ARSB: variants seen among roughly 807,000 people sequenced by gnomAD.
ARSB encodes the protein N-acetylgalactosamine-4-sulfatase.
A neutral mutation model predicts 50.9 loss-of-function variants in ARSB; 41 were observed. The ratio of observed to expected loss-of-function variants is 0.81; its 90% CI spans 0.63 to 1.04. The LOEUF (loss-of-function observed/expected upper bound fraction) is 1.04. ARSB is among the 50% of genes least tolerant of loss of function. The pLI, the probability that ARSB is intolerant of heterozygous loss-of-function variation, is 0.00. For missense variants in ARSB, 672 were observed against 693.3 expected (o/e 0.97, Z 0.35); for synonymous variants, 269 against 284.8 (o/e 0.94, Z 0.56).
chr5:78,914,843 T>G (rs1749470528), intron 4 of ARSB, among the ~76,000 whole-genome samples: 1 of 152,170 alleles, frequency 6.6e-6, no homozygotes, highest in Non-Finnish European at 1.5e-5. Flanking sequence ...ATTTTTCTGT[T>G]TTCAGTAGAG....
chr5:78,778,063 A>G lies in ARSB; in HGVS notation c.*2334T>C, dbSNP rs991966401. ...TGCAGAACATCCCCCACTGTGCCTG[A>G]AAACCAAGGAACTAGAACTGGAGAC... On this transcript the variant is annotated 3_prime_UTR_variant, in exon 8 of 8. Transcript: ENST00000264914. 1.3e-5 allele frequency: 2 copies of G among 152,320 alleles called. No homozygotes were observed. Among genetic ancestry groups the G allele is most frequent in the African/African-American group, 4.8e-5 (2 of 41,568 alleles). The allele number at this position is 152,320 out of a possible 1,614,324, so 9.4% of individuals were successfully genotyped here.
At chr5:78,872,317 C>T (rs934585372) in intron 5 of ARSB, among the ~76,000 whole-genome samples, 1 of 151,374 alleles carries the variant, frequency 6.6e-6, no homozygotes, top group African/African-American at 2.4e-5. Context: ...CATTACTGGG[C>T]ATATACCCAA....
chr5:78,955,991 T>C (rs1241336204), intron 3 of ARSB, among the ~76,000 whole-genome samples: 1 of 152,212 alleles, frequency 6.6e-6, no homozygotes, highest in Non-Finnish European at 1.5e-5. Context: ...GTTCCTGAAA[T>C]TGTAAAACAT....
intron 4 of ARSB, among the ~76,000 whole-genome samples, chr5:78,937,431 T>C (rs1004226741): frequency 7.2e-6 from 1 of 139,158 alleles, no homozygotes; most frequent in Non-Finnish European, 1.5e-5. Context: ...ATATATCATA[T>C]ATATGATATA....
chr5:78,886,353 C>G (rs1488451433), intron 4 of ARSB, among the ~76,000 whole-genome samples: 1 of 152,174 alleles, frequency 6.6e-6, no homozygotes, highest in African/African-American at 2.4e-5. Context: ...GCAATAATAT[C>G]TCTTTCTTAA....
chr5:78,873,934 A>G (rs1209785898), intron 5 of ARSB, among the ~76,000 whole-genome samples: 2 of 152,256 alleles, frequency 1.3e-5, no homozygotes, highest in Non-Finnish European at 2.9e-5. Flanking sequence ...ATTTTAAATC[A>G]TAACTATAAT....
chr5:78,936,129 C>CTTTTT (rs56884992), intron 4 of ARSB, among the ~76,000 whole-genome samples: 1 of 88,950 alleles, frequency 1.1e-5, no homozygotes, highest in African/African-American at 4.8e-5. Context: ...CTCTCTCTCT[C>CTTTTT]TTTTTTTTTT....
At position 78,797,893 on chromosome 5, in the gene ARSB, C is replaced by A. The variant is rs577623710; in HGVS notation, c.1214-15919G>T. ...AGGATGGAATTCTGGAAAGAAACAC[C>A]ATTTGAAAGGCAAAGCATAGGGGAA... On this transcript the variant is annotated intron_variant, in intron 6 of 7. Transcript: ENST00000264914. 2.0e-5 allele frequency among the ~76,000 whole-genome samples: 3 copies of A among 152,216 alleles called. No homozygotes were observed. In the South Asian group the frequency reaches 6.2e-4, roughly 32 times the overall value.
intron 1 of ARSB, among the ~76,000 whole-genome samples, chr5:78,973,201 T>C (rs2112543789): frequency 6.6e-6 from 1 of 152,270 alleles, no homozygotes; most frequent in East Asian, 1.9e-4. Flanking sequence ...TATAAAACAA[T>C]TTCATTCTAA....
intron 4 of ARSB, among the ~76,000 whole-genome samples, chr5:78,886,562 G>A (rs1383356687): frequency 6.6e-6 from 1 of 152,062 alleles, no homozygotes; most frequent in Non-Finnish European, 1.5e-5. Context: ...GCAAAGACAG[G>A]GTAGAAGCTA....
intron 5 of ARSB, among the ~76,000 whole-genome samples, chr5:78,879,815 A>C (rs1466442075): frequency 1.3e-5 from 2 of 152,174 alleles, no homozygotes; most frequent in Admixed American, 1.3e-4. Flanking sequence ...AGAAGCACCA[A>C]CTTCATTAGG....
intron 5 of ARSB, among the ~76,000 whole-genome samples, chr5:78,872,962 A>C (rs1030830676): frequency 1.4e-4 from 22 of 152,288 alleles, no homozygotes; most frequent in African/African-American, 5.3e-4. Context: ...TAGATCCAGG[A>C]AACGCCAACA....
At chr5:78,827,446 T>C (rs1243457011) in intron 6 of ARSB, among the ~76,000 whole-genome samples, 1 of 152,158 alleles carries the variant, frequency 6.6e-6, no homozygotes, top group Non-Finnish European at 1.5e-5. Flanking sequence ...CCTGGCCTCA[T>C]GCAATCCACC....
At chr5:78,889,478 A>G (rs1160164831) in intron 4 of ARSB, among the ~76,000 whole-genome samples, 5 of 152,242 alleles carry the variant, frequency 3.3e-5, no homozygotes, top group African/African-American at 1.2e-4. Flanking sequence ...CAGCTCCTAA[A>G]AGAAGCAAAG....
chr5:78,914,139 CT>C (rs1394376623), intron 4 of ARSB, among the ~76,000 whole-genome samples: 1 of 151,710 alleles, frequency 6.6e-6, no homozygotes. Context: ...ATATTTAAAA[CT>C]TTTTTTTCGA....
At chr5:78,849,905 T>A (rs1250665163) in intron 5 of ARSB, among the ~76,000 whole-genome samples, 2 of 150,942 alleles carry the variant, frequency 1.3e-5, no homozygotes, top group Non-Finnish European at 3.0e-5. Flanking sequence ...TTTTGTACAT[T>A]GATTTTGCAT....
chr5:78,857,061 T>C (rs141988183), intron 5 of ARSB, among the ~76,000 whole-genome samples: 174 of 152,268 alleles, frequency 1.1e-3, no homozygotes, highest in African/African-American at 4.0e-3. Flanking sequence ...TATTGTAAAA[T>C]ATAGATCCAG....
At chr5:78,893,863 C>T (rs559876400) in intron 4 of ARSB, among the ~76,000 whole-genome samples, 1 of 152,310 alleles carries the variant, frequency 6.6e-6, no homozygotes, top group Admixed American at 6.5e-5. Flanking sequence ...TTTGGTCTGT[C>T]CTTTTTAACA....
chr5:78,946,502 C>T (rs56127799), intron 4 of ARSB, among the ~76,000 whole-genome samples: 3 of 152,036 alleles, frequency 2.0e-5, no homozygotes, highest in Admixed American at 1.3e-4. Context: ...AGAAAGTTAT[C>T]CCTTTTACAA....
Sources: gnomAD v4.1 joint callset for allele counts (sites outside exome capture counted in the v4.1 genomes callset) on GRCh38, gnomAD v4.1.1 for gene constraint, MANE v1.5 for transcripts, NCBI Gene and HGNC (gene_info 2026-07-23, HGNC 2026-07-21) for gene names.